The following SGCZ variants were observed in gnomAD, a reference collection of about 807,000 sequenced individuals.
SGCZ encodes sarcoglycan zeta.
SGCZ carries 40 observed loss-of-function variants against 41.3 expected under a neutral mutation model. That is an observed-to-expected ratio of 0.97 (90% CI 0.75 to 1.26). SGCZ has a LOEUF of 1.26. SGCZ is among the 50% of genes most tolerant of loss of function. The pLI is 0.00. For synonymous variants in SGCZ, 206 were observed against 137.5 expected (o/e 1.50, Z -3.49); for missense variants, 552 against 369.8 (o/e 1.49, Z -4.04).
At position 14,831,449 on chromosome 8, in the gene SGCZ, T is replaced by C. The variant is rs777595117; in HGVS notation, c.40-276523A>G. Among the ~76,000 whole-genome samples, 30 of 152,318 alleles carry C rather than the reference T, an allele frequency of 2.0e-4. 1 individual carries two copies. The Middle Eastern group carries it at 0.014, about 70-fold the overall frequency. On this transcript the variant is annotated intron_variant, in intron 1 of 7. Coordinates refer to ENST00000382080, the MANE Select transcript of SGCZ (RefSeq NM_139167.4). ...GCTGTCTCCTGGATGCTCATAATTCTGGGACACAGTGCTCCAGAGTTCAAG... is the reference window on the plus strand; with the variant it reads ...GCTGTCTCCTGGATGCTCATAATTCCGGGACACAGTGCTCCAGAGTTCAAG...
intron 6 of SGCZ, among the ~76,000 whole-genome samples, chr8:14,106,401 G>A (rs1181613345): frequency 6.6e-6 from 1 of 152,176 alleles, no homozygotes; most frequent in African/African-American, 2.4e-5. Flanking sequence ...TCTATATAGA[G>A]TAGGTAATTA....
chr8:14,857,177 C>T (rs1437790122), intron 1 of SGCZ, among the ~76,000 whole-genome samples: 1 of 152,112 alleles, frequency 6.6e-6, no homozygotes, highest in Non-Finnish European at 1.5e-5. Flanking sequence ...GCCTGCTAAC[C>T]CTTCACCTCC....
intron 1 of SGCZ, among the ~76,000 whole-genome samples, chr8:14,759,187 T>C (rs1426669967): frequency 6.6e-6 from 1 of 152,084 alleles, no homozygotes; most frequent in Non-Finnish European, 1.5e-5. Flanking sequence ...AATTTACATC[T>C]ATGCATGTAT....
chr8:15,089,734 A>G (rs1403861617), intron 1 of SGCZ, among the ~76,000 whole-genome samples: 2 of 152,202 alleles, frequency 1.3e-5, no homozygotes, highest in Admixed American at 6.5e-5. Flanking sequence ...GGACATGAAC[A>G]GAATGTGCTT....
chr8:15,109,737 A>G (rs1170218742), intron 1 of SGCZ, among the ~76,000 whole-genome samples: 1 of 152,194 alleles, frequency 6.6e-6, no homozygotes, highest in Non-Finnish European at 1.5e-5. Context: ...TATATGTGAG[A>G]CACTAAGGCT....
intron 1 of SGCZ, 88 bp downstream of exon 1, chr8:15,237,497 C>G: frequency 6.7e-7 from 1 of 1,489,320 alleles, no homozygotes; most frequent in South Asian, 1.2e-5. Flanking sequence ...ACCAACTACT[C>G]CGCGCCGCTG....
chr8:14,812,454 C>T (rs1801765563), intron 1 of SGCZ, among the ~76,000 whole-genome samples: 1 of 152,060 alleles, frequency 6.6e-6, no homozygotes, highest in Admixed American at 6.6e-5. Context: ...CAAGGTAAAA[C>T]ACAGGCCTGG....
At chr8:15,053,421 T>C (rs1448176614) in intron 1 of SGCZ, among the ~76,000 whole-genome samples, 2 of 152,186 alleles carry the variant, frequency 1.3e-5, no homozygotes, top group African/African-American at 2.4e-5. Context: ...GAGTACTTGC[T>C]TGCATGGTGC....
intron 2 of SGCZ, among the ~76,000 whole-genome samples, chr8:14,441,087 A>T (rs528368668): frequency 1.3e-5 from 2 of 152,288 alleles, no homozygotes; most frequent in South Asian, 4.1e-4. Flanking sequence ...ACAGGACCGA[A>T]GTCTGGTCCT....
At chr8:15,012,060 G>A (rs982333709) in intron 1 of SGCZ, among the ~76,000 whole-genome samples, 8 of 152,048 alleles carry the variant, frequency 5.3e-5, no homozygotes, top group African/African-American at 1.9e-4. Flanking sequence ...TCGCATTATT[G>A]CAAACCTCTT....
chr8:14,644,570 G>A (rs1320981781), intron 1 of SGCZ, among the ~76,000 whole-genome samples: 1 of 151,664 alleles, frequency 6.6e-6, no homozygotes. Context: ...TATCTCTGGA[G>A]ATCCTGATTC....
rs961311345 is a variant in SGCZ at position 15,143,081 on chromosome 8, T to A, written c.39+94504A>T. On this transcript the variant is annotated intron_variant, in intron 1 of 7. Transcript: ENST00000382080. ...ATTTGCAGTTGCTAAGGAACCAAAT[T>A]TCACAGCCATGGCTATCTAGCAATA... is the stretch of plus-strand genomic sequence containing the variant. Among the ~76,000 whole-genome samples the A allele has an allele frequency of 3.3e-5, 5 of 152,318 alleles. No individual in the cohort carries two copies. In the East Asian group the frequency reaches 5.8e-4, roughly 18 times the overall value.
chr8:14,220,881 G>A (rs768362967), intron 4 of SGCZ, among the ~76,000 whole-genome samples: 1 of 152,044 alleles, frequency 6.6e-6, no homozygotes, highest in African/African-American at 2.4e-5. Flanking sequence ...AAAGGAAATA[G>A]CATTTCAAAA....
chr8:14,559,539 T>C (rs1804144227), intron 1 of SGCZ, among the ~76,000 whole-genome samples: 1 of 152,158 alleles, frequency 6.6e-6, no homozygotes, highest in East Asian at 1.9e-4. Context: ...ATCAATATTG[T>C]GAAAACGACC....
Position 14,284,506 on chromosome 8 carries a change from CTTTAGA to C in SGCZ, c.336+39591_336+39596del, listed in dbSNP as rs756855379. On this transcript the variant is annotated intron_variant, in intron 3 of 7. Coordinates refer to ENST00000382080, the MANE Select transcript of SGCZ (RefSeq NM_139167.4). ...TTTTTTGTTTTCAAATTATCCATGC[CTTTAGA>C]TTTAAACTTTTTATTCCGTACGTAG... Among the ~76,000 whole-genome samples, 36 of 152,282 alleles carry C rather than the reference CTTTAGA, an allele frequency of 2.4e-4. 1 individual carries two copies. The highest frequency in any genetic ancestry group is 7.2e-4 in the African/African-American group (30 of 41,550).
chr8:15,129,914 A>G (rs1807838967), intron 1 of SGCZ, among the ~76,000 whole-genome samples: 1 of 151,986 alleles, frequency 6.6e-6, no homozygotes, highest in African/African-American at 2.4e-5. Context: ...AGTCGGATAA[A>G]TATACTCCCA....
chr8:14,367,885 T>C (rs147127914), intron 2 of SGCZ, among the ~76,000 whole-genome samples: 137 of 152,146 alleles, frequency 9.0e-4, no homozygotes, highest in African/African-American at 3.2e-3. Context: ...TTAATAATGC[T>C]TGCCCACCAG....
intron 5 of SGCZ, among the ~76,000 whole-genome samples, chr8:14,111,347 G>T (rs1802366078): frequency 6.6e-6 from 1 of 152,046 alleles, no homozygotes; most frequent in Non-Finnish European, 1.5e-5. Flanking sequence ...GTCAACATTT[G>T]TTTGGTACAT....
At chr8:14,361,556 T>C (rs889192420) in intron 2 of SGCZ, among the ~76,000 whole-genome samples, 3 of 152,232 alleles carry the variant, frequency 2.0e-5, no homozygotes, top group Non-Finnish European at 4.4e-5. Flanking sequence ...TTCTCTACAC[T>C]GGTTATTCTA....
Sources: allele counts gnomAD v4.1 joint callset (sites outside exome capture counted in the v4.1 genomes callset), GRCh38; gene constraint gnomAD v4.1.1; transcripts MANE v1.5; gene names NCBI Gene and HGNC (gene_info 2026-07-23, HGNC 2026-07-21).